Variants in RTN4IP1 observed in about 807,000 individuals in gnomAD.
RTN4IP1 encodes reticulon 4 interacting protein 1, also known as NAD(P)H oxidoreductase RTN4IP1, mitochondrial.
In RTN4IP1, 32 loss-of-function variants were observed where a neutral mutation model predicts 46.6. That is an observed-to-expected ratio of 0.69 (90% CI 0.52 to 0.92). The LOEUF (loss-of-function observed/expected upper bound fraction) is 0.92. Ranked by LOEUF, RTN4IP1 falls within the 40% of genes least tolerant of loss-of-function variation. The pLI is 0.00. For missense variants in RTN4IP1, 424 were observed against 485.8 expected, an observed-to-expected ratio of 0.87 and a Z score of 1.20; for synonymous variants, 167 against 161.8, an observed-to-expected ratio of 1.03 and a Z score of -0.24.
intron 7 of RTN4IP1, among the ~76,000 whole-genome samples, chr6:106,584,178 A>G (rs1285829485): frequency 6.6e-6 from 1 of 152,146 alleles, no homozygotes; most frequent in Admixed American, 6.5e-5. Flanking sequence ...GTCTCAAGCA[A>G]TCCTCTCACC....
intron 8 of RTN4IP1, chr6:106,572,453 C>T (rs1320632534): frequency 1.5e-5 from 3 of 203,614 alleles, no homozygotes; most frequent in Non-Finnish European, 2.0e-5. Flanking sequence ...TTTGCAAAAA[C>T]GCTCTACCTG....
chr6:106,610,515 T>A (rs1776199005), intron 4 of RTN4IP1, among the ~76,000 whole-genome samples: 1 of 152,200 alleles, frequency 6.6e-6, no homozygotes, highest in African/African-American at 2.4e-5. Context: ...GGCCCTTCAC[T>A]TAAGTCCTAC....
chr6:106,629,291 CT>C lies in RTN4IP1; in HGVS notation c.-271del. The C allele has an allele frequency of 1.7e-5, 9 of 530,430 alleles. No homozygotes were observed. Among genetic ancestry groups the C allele is most frequent in the Admixed American group, 3.4e-5 (1 of 29,148 alleles). The allele number at this position is 530,430 out of a possible 1,614,324, so 32.9% of individuals were successfully genotyped here. A position where few individuals can be genotyped will look rare whatever the true frequency, so the allele number is the denominator to read the frequency against. On this transcript the variant is annotated 5_prime_UTR_variant, in exon 1 of 9. Coordinates refer to ENST00000369063, the MANE Select transcript of RTN4IP1 (RefSeq NM_032730.5). ...TCCTCCCTCACTTTCACCCCCTCCA[CT>C]TTAAAAAAAAAAGGGGGGGCGGGGC...
intron 5 of RTN4IP1, among the ~76,000 whole-genome samples, chr6:106,598,261 G>A (rs1201786606): frequency 3.9e-5 from 6 of 152,296 alleles, no homozygotes; most frequent in African/African-American, 1.4e-4. Context: ...GATCCCTGAG[G>A]AATCGCCACA....
At chr6:106,584,084 T>C (rs561463328) in intron 7 of RTN4IP1, among the ~76,000 whole-genome samples, 1 of 152,328 alleles carries the variant, frequency 6.6e-6, no homozygotes, top group East Asian at 1.9e-4. Flanking sequence ...ATGACCACTC[T>C]ACTGCCACTT....
At chr6:106,627,349 C>A (rs1372951532) in intron 1 of RTN4IP1, among the ~76,000 whole-genome samples, 1 of 152,104 alleles carries the variant, frequency 6.6e-6, no homozygotes, top group Non-Finnish European at 1.5e-5. Flanking sequence ...AAATAAAAAG[C>A]TAACAGACCT....
chr6:106,619,280 A>T lies in RTN4IP1; in HGVS notation c.542T>A (p.Leu181Ter). The change falls in exon 4 of 9, where the codon TTG becomes TAG. Residue 181 changes from leucine (L) to a stop codon, truncating the protein, a stop_gained. Coordinates refer to ENST00000369063, the MANE Select transcript of RTN4IP1 (RefSeq NM_032730.5). LOFTEE classifies it high-confidence loss of function. Reference sequence around the variant, plus strand: ...CCAGGCTGTGAGAGCCACATATGGCAAAGAGGCAGCTTGAGTATGAGTGAG... The same window carrying T: ...CCAGGCTGTGAGAGCCACATATGGCTAAGAGGCAGCTTGAGTATGAGTGAG... The part of the protein sequence containing the change: ...KSLTHTQAAS[L>*]PYVALTAWSA... The T allele has an allele frequency of 6.2e-7, 1 of 1,614,212 alleles. No individual in the cohort carries two copies. Among genetic ancestry groups the T allele is most frequent in the Non-Finnish European group, 8.5e-7 (1 of 1,180,024 alleles).
In RTN4IP1 at chr6:106,602,895, T is replaced by C. The variant is rs759608632; in HGVS notation, c.648A>G (p.Gly216=). The C allele has an allele frequency of 3.1e-6, 5 of 1,604,726 alleles. No individual in the cohort carries two copies. The South Asian group carries it at 5.6e-5, about 18-fold the overall frequency. The part of the protein sequence containing the change: ...KRVLILGASG[G]VGTFAIQVMK... ...TTACCTGTATAGCAAAAGTACCAACTCCGCCTGAAGCGCCTAAGATTAGAA... is the reference window on the plus strand; with the variant it reads ...TTACCTGTATAGCAAAAGTACCAACCCCGCCTGAAGCGCCTAAGATTAGAA... Residue 216 remains glycine, a synonymous_variant, in exon 5 of 9, where the codon GGA becomes GGG. Transcript: ENST00000369063.
At position 106,622,904 on chromosome 6, in the gene RTN4IP1, CT is replaced by C; in HGVS notation, c.339del (p.Glu114AsnfsTer4). ...TCCCGACCCAGAGTCAGAGGAAATT[CT>C]TCTCCTTTGATTTTCACGTGTAAAG... ...RDPLHVKIKG[E>X]EFPLTLGRDV... On this transcript the variant is annotated frameshift_variant, in exon 2 of 9. Transcript: ENST00000369063. LOFTEE classifies it high-confidence loss of function. 6.2e-7 allele frequency: 1 copy of C among 1,614,142 alleles called. No individual in the cohort carries two copies. Among genetic ancestry groups the C allele is most frequent in the Non-Finnish European group, 8.5e-7 (1 of 1,179,966 alleles).
chr6:106,572,152 C>G, intron 8 of RTN4IP1, 49 bp from the exon 9 acceptor site: 1 of 1,403,352 alleles, frequency 7.1e-7, no homozygotes, highest in Non-Finnish European at 1.0e-6. Context: ...CTACATCTTT[C>G]AAGGCAGATG....
In RTN4IP1 at chr6:106,622,845, A is replaced by T. The variant is rs756308370; in HGVS notation, c.399T>A (p.Asp133Glu). The T allele has an allele frequency of 1.1e-5, 17 of 1,613,604 alleles. No individual in the cohort carries two copies. Among genetic ancestry groups the T allele is most frequent in the Middle Eastern group, 3.3e-4 (2 of 6,078 alleles). ...CATCTCCAGGCTTGAAGTATTTCAC[A>T]TCAAGCCCACATTCCATCACCACGC... ...VSGVVMECGL[D>E]VKYFKPGDEV... is the part of the protein sequence containing the mutation. Residue 133 changes from aspartate to glutamate, a missense_variant, in exon 2 of 9, where the codon GAT becomes GAA. Asp to Glu is a conservative substitution (Grantham distance 45). Coordinates refer to ENST00000369063, the MANE Select transcript of RTN4IP1 (RefSeq NM_032730.5).
chr6:106,580,900 A>G (rs1478188413), intron 8 of RTN4IP1, among the ~76,000 whole-genome samples: 2 of 152,048 alleles, frequency 1.3e-5, no homozygotes, highest in African/African-American at 4.8e-5. Flanking sequence ...ACACCCATAC[A>G]AATACTATGT....
chr6:106,583,486 A>C, intron 7 of RTN4IP1, 66 bp from the exon 8 acceptor site: 1 of 1,298,738 alleles, frequency 7.7e-7, no homozygotes. Context: ...ATGCAGATTT[A>C]GGGAAAAGCA....
intron 7 of RTN4IP1, among the ~76,000 whole-genome samples, chr6:106,585,436 T>C (rs1205937792): frequency 6.6e-6 from 1 of 152,216 alleles, no homozygotes; most frequent in African/African-American, 2.4e-5. Context: ...CAAATACTTT[T>C]CCCTAAGGTC....
rs1776746419 is a variant in RTN4IP1, at chr6:106,629,291, C to G, written c.-270G>C. The G allele has an allele frequency of 1.9e-6, 1 of 530,456 alleles. No homozygotes were observed. Among genetic ancestry groups the G allele is most frequent in the East Asian group, 3.1e-5 (1 of 31,986 alleles). The allele number at this position is 530,456 out of a possible 1,614,324, so 32.9% of individuals were successfully genotyped here. A position where few individuals can be genotyped will look rare whatever the true frequency, so the allele number is the denominator to read the frequency against. On this transcript the variant is annotated 5_prime_UTR_variant, in exon 1 of 9. Transcript: ENST00000369063. ...TCCTCCCTCACTTTCACCCCCTCCA[C>G]TTTAAAAAAAAAAGGGGGGGCGGGG... is the stretch of plus-strand genomic sequence containing the variant.
At position 106,611,113 on chromosome 6, in the gene RTN4IP1, T is replaced by A. The variant is rs1398827110; in HGVS notation, c.620+8089A>T. ...CAAGACATCCAGAAGTAGAAAATCA[T>A]CTTCAAGTTTCTATATTCTGACTTG... On this transcript the variant is annotated intron_variant, in intron 4 of 8. Coordinates refer to ENST00000369063, the MANE Select transcript of RTN4IP1 (RefSeq NM_032730.5). Among the ~76,000 whole-genome samples, 5 of 151,760 alleles carry A rather than the reference T, an allele frequency of 3.3e-5. No homozygotes were observed. In the East Asian group the frequency reaches 9.7e-4, roughly 29 times the overall value.
intron 6 of RTN4IP1, among the ~76,000 whole-genome samples, chr6:106,591,681 CCAAACCA>C (rs1775666521): frequency 6.6e-6 from 1 of 152,018 alleles, no homozygotes; most frequent in Admixed American, 6.6e-5. Flanking sequence ...GTACCTCAGG[CCAAACCA>C]CAGCCTGGCA....
chr6:106,572,183 G>A, intron 8 of RTN4IP1, 80 bp from the exon 9 acceptor site: 1 of 1,145,094 alleles, frequency 8.7e-7, no homozygotes, highest in Admixed American at 1.8e-5. Context: ...TTAGTTTCTT[G>A]ACGGTGTCCC....
Position 106,587,807 on chromosome 6 carries a change from A to G in RTN4IP1, c.862T>C (p.Phe288Leu), listed in dbSNP as rs758815267. The G allele has an allele frequency of 2.0e-5, 33 of 1,613,922 alleles. No individual in the cohort carries two copies. The highest frequency in any genetic ancestry group is 3.3e-5 in the Admixed American group (2 of 60,006). The part of the protein sequence containing the change: ...GGSTETWAPD[F>L]LKKWSGATYV... The stretch of plus-strand genomic sequence containing the variant: ...GTGGCTCCTGACCATTTCTTGAGAA[A>G]ATCTGGAGCCCATGTTTCAGTGGAT... Residue 288 changes from phenylalanine to leucine, a missense_variant, in exon 7 of 9, where the codon TTT becomes CTT. Transcript: ENST00000369063.
Sources: gnomAD v4.1 joint callset for allele counts (sites outside exome capture counted in the v4.1 genomes callset) on GRCh38, gnomAD v4.1.1 for gene constraint, MANE v1.5 for transcripts, NCBI Gene and HGNC (gene_info 2026-07-23, HGNC 2026-07-21) for gene names.